The following OPHN1 variants were observed in gnomAD, a reference collection of about 807,000 sequenced individuals.
OPHN1 encodes the protein oligophrenin-1.
In OPHN1, 11 loss-of-function variants were observed where a neutral mutation model predicts 60.7. The ratio of observed to expected loss-of-function variants is 0.18; its 90% CI spans 0.11 to 0.30. The LOEUF (loss-of-function observed/expected upper bound fraction) is 0.30. Ranked by LOEUF, OPHN1 falls within the 10% of genes least tolerant of loss-of-function variation. The probability of loss-of-function intolerance (pLI) is 1.00; values close to 1 mark genes in which losing one functional copy is unlikely to be tolerated. For synonymous variants in OPHN1, 226 were observed against 222.6 expected (o/e 1.02, Z -0.14); for missense variants, 449 against 611.0 (o/e 0.73, Z 2.80).
At chrX:68,048,559 A>G in intron 23 of OPHN1, 102 bp from the exon 24 acceptor site, 1 of 695,308 alleles carries the variant, frequency 1.4e-6, no homozygotes, top group Non-Finnish European at 2.3e-6. Context: ...TAAAGAGGCC[A>G]TTTGAAAAAT....
intron 2 of OPHN1, among the ~76,000 whole-genome samples, chrX:68,386,325 G>C (rs908678982): frequency 9.0e-6 from 1 of 111,652 alleles, no homozygotes; most frequent in African/African-American, 3.3e-5. Flanking sequence ...TAGCTTTTCT[G>C]ATTTTTCTGG....
At chrX:68,282,657 G>T (rs2078024409) in intron 4 of OPHN1, among the ~76,000 whole-genome samples, 1 of 111,519 alleles carries the variant, frequency 9.0e-6, no homozygotes, top group South Asian at 3.8e-4. Context: ...GAGAAAGGTG[G>T]TATATGAGTT....
chrX:68,158,500 C>T (rs1425641727), intron 15 of OPHN1, among the ~76,000 whole-genome samples: 1 of 112,336 alleles, frequency 8.9e-6, no homozygotes, highest in Non-Finnish European at 1.9e-5. Context: ...AGCAAAACAA[C>T]CACAACTGGG....
At chrX:68,416,063 T>TAG (rs1252046498) in intron 2 of OPHN1, among the ~76,000 whole-genome samples, 5 of 6,318 alleles carry the variant, frequency 7.9e-4, no homozygotes, top group Admixed American at 2.2e-3. Context: ...TATATATATA[T>TAG]ATATAGAGAG....
At chrX:68,196,780 T>C (rs2077514547) in intron 12 of OPHN1, among the ~76,000 whole-genome samples, 1 of 112,325 alleles carries the variant, frequency 8.9e-6, no homozygotes, top group Non-Finnish European at 1.9e-5. Context: ...TGAATAAATG[T>C]TTAATAAGTG....
At chrX:68,221,047 CA>C (rs1238228099) in intron 6 of OPHN1, among the ~76,000 whole-genome samples, 3 of 103,938 alleles carry the variant, frequency 2.9e-5, no homozygotes, top group Non-Finnish European at 5.9e-5. Flanking sequence ...TGTTTCAGCC[CA>C]AAATCTCCTT....
chrX:68,396,224 G>A (rs1187047865), intron 2 of OPHN1, among the ~76,000 whole-genome samples: 1 of 104,308 alleles, frequency 9.6e-6, no homozygotes, highest in Non-Finnish European at 2.0e-5. Context: ...CTTGAGCCCA[G>A]GAGTTTGAGA....
intron 19 of OPHN1, among the ~76,000 whole-genome samples, chrX:68,084,431 A>C (rs1370571560): frequency 1.9e-5 from 2 of 102,879 alleles, no homozygotes; most frequent in African/African-American, 7.1e-5. Flanking sequence ...GAGGGAGAGG[A>C]GAGTGGTAGA....
chrX:68,153,458 T>C (rs192840230), intron 15 of OPHN1, among the ~76,000 whole-genome samples: 3 of 111,388 alleles, frequency 2.7e-5, no homozygotes, highest in Non-Finnish European at 3.8e-5. Flanking sequence ...GACCACCAGA[T>C]ACCCTCTCAA....
intron 2 of OPHN1, among the ~76,000 whole-genome samples, chrX:68,391,165 T>C (rs2078651793): frequency 9.0e-6 from 1 of 111,624 alleles, no homozygotes; most frequent in South Asian, 3.8e-4. Context: ...TTTGGGTACT[T>C]AGGGTAACGT....
intron 2 of OPHN1, among the ~76,000 whole-genome samples, chrX:68,400,229 A>G (rs185485998): frequency 1.8e-5 from 2 of 111,523 alleles, no homozygotes; most frequent in Non-Finnish European, 3.8e-5. Flanking sequence ...TTTTGTTTTC[A>G]ATAAATCCCT....
chrX:68,098,643 G>T lies in OPHN1; in HGVS notation c.1527-1614C>A, dbSNP rs778329276. ...TAGCTTTTGATATTGCTGGGCTGGT[G>T]ATGTGTTCCTTTTAACAGTTTCAAT... On this transcript the variant is annotated intron_variant, in intron 18 of 24. Coordinates refer to ENST00000355520, the MANE Select transcript of OPHN1 (RefSeq NM_002547.3). Among the ~76,000 whole-genome samples, 11 of 112,017 alleles carry T rather than the reference G, an allele frequency of 9.8e-5. 1 individual carries two copies. In the South Asian group the frequency reaches 3.4e-3, roughly 34 times the overall value.
intron 15 of OPHN1, among the ~76,000 whole-genome samples, chrX:68,141,904 TAAAGAAAGAAAG>T (rs199937682): frequency 0.086 from 7,767 of 90,155 alleles, 527 homozygotes; most frequent in African/African-American, 0.2. Flanking sequence ...TGATGTTAAT[TAAAGAAAGAAAG>T]AAAGAAAGAA....
intron 15 of OPHN1, among the ~76,000 whole-genome samples, chrX:68,147,786 G>A (rs1218100465): frequency 9.0e-6 from 1 of 111,670 alleles, no homozygotes; most frequent in Non-Finnish European, 1.9e-5. Flanking sequence ...ATCAATGCGT[G>A]GATAGTCAAT....
chrX:68,106,692 GTT>G (rs1382243633), intron 18 of OPHN1, among the ~76,000 whole-genome samples: 1 of 111,534 alleles, frequency 9.0e-6, no homozygotes, highest in Non-Finnish European at 1.9e-5. Flanking sequence ...GCTAAGGTCA[GTT>G]TGGTTCTGCC....
intron 2 of OPHN1, among the ~76,000 whole-genome samples, chrX:68,411,905 C>T (rs1192662463): frequency 1.3e-4 from 14 of 111,330 alleles, no homozygotes; most frequent in African/African-American, 2.9e-4. Context: ...ATAGGGTTGA[C>T]GCTTTTATAC....
chrX:68,048,353 C>G (rs2076839111), intron 24 of OPHN1, 63 bp downstream of exon 24: 2 of 1,022,526 alleles, frequency 2.0e-6, no homozygotes, highest in African/African-American at 3.7e-5. Context: ...CTCAAAATAT[C>G]AGATCCCGTA....
At chrX:68,268,138 T>C (rs2077943061) in intron 5 of OPHN1, among the ~76,000 whole-genome samples, 1 of 110,923 alleles carries the variant, frequency 9.0e-6, no homozygotes, top group South Asian at 3.8e-4. Flanking sequence ...GAATACAGAA[T>C]ACAGAGGTAC....
chrX:68,187,315 G>C (rs1353597585), intron 15 of OPHN1, among the ~76,000 whole-genome samples: 1 of 111,223 alleles, frequency 9.0e-6, no homozygotes, highest in Non-Finnish European at 1.9e-5. Context: ...CCTTGAGATA[G>C]GAAGATTATT....
Sources: gnomAD v4.1 joint callset for allele counts (sites outside exome capture counted in the v4.1 genomes callset) on GRCh38, gnomAD v4.1.1 for gene constraint, MANE v1.5 for transcripts, NCBI Gene and HGNC (gene_info 2026-07-23, HGNC 2026-07-21) for gene names.